Variants in SKAP1 observed in about 807,000 individuals in gnomAD.
SKAP1 encodes the protein src kinase associated phosphoprotein 1.
Under a neutral mutation model 58.5 loss-of-function variants are expected in SKAP1, and 44 were observed. The ratio of observed to expected loss-of-function variants is 0.75; its 90% CI spans 0.59 to 0.97. The LOEUF (loss-of-function observed/expected upper bound fraction) is 0.97. Ranked by LOEUF, SKAP1 falls within the 50% of genes least tolerant of loss-of-function variation. The probability of loss-of-function intolerance (pLI) is 0.00; values close to 1 mark genes in which losing one functional copy is unlikely to be tolerated. For synonymous variants in SKAP1, 127 were observed against 149.7 expected (o/e 0.85, Z 1.11); for missense variants, 390 against 435.2 (o/e 0.90, Z 0.92).
chr17:48,335,129 G>GC (rs1185433387), intron 4 of SKAP1, among the ~76,000 whole-genome samples: 2 of 151,142 alleles, frequency 1.3e-5, no homozygotes, highest in Non-Finnish European at 3.0e-5. Context: ...TCCCTTTTGA[G>GC]GAAAAAAGGG....
the SKAP1 span, among the ~76,000 whole-genome samples, chr17:48,437,442 C>T: frequency 6.6e-6 from 1 of 152,054 alleles, no homozygotes; most frequent in South Asian, 2.1e-4. Flanking sequence ...AGTATATGCT[C>T]CATAAATTGC....
In SKAP1 at chr17:48,180,177, TATC is replaced by T; in HGVS notation, c.700_702del (p.Asp234del). 6.2e-7 allele frequency: 1 copy of T among 1,613,816 alleles called. No homozygotes were observed. The highest frequency in any genetic ancestry group is 1.1e-5 in the South Asian group (1 of 91,062). ...CAACTTGGGGAGTCAAAACCATCAA[TATC>T]ATCATATGTCTCTTCTTTTTCTTCT... On this transcript the variant is annotated inframe_deletion, in exon 9 of 13. Transcript: ENST00000336915.
At chr17:48,302,934 AT>A in intron 4 of SKAP1, among the ~76,000 whole-genome samples, 1 of 152,302 alleles carries the variant, frequency 6.6e-6, no homozygotes, top group South Asian at 2.1e-4. Context: ...GTGAATAATA[AT>A]TTTAAAAGAG....
chr17:48,323,138 C>T (rs1019991745), intron 4 of SKAP1, among the ~76,000 whole-genome samples: 3 of 150,640 alleles, frequency 2.0e-5, no homozygotes, highest in Admixed American at 1.3e-4. Context: ...GTAGAATGAA[C>T]GCTGGTAGAC....
chr17:48,434,169 C>T (rs949205583), upstream of SKAP1, among the ~76,000 whole-genome samples: 3 of 152,184 alleles, frequency 2.0e-5, no homozygotes, highest in Non-Finnish European at 2.9e-5. Flanking sequence ...CCCCATCAAC[C>T]GGGTTTATTG....
At chr17:48,292,814 T>G (rs910256646) in intron 4 of SKAP1, among the ~76,000 whole-genome samples, 2 of 152,216 alleles carry the variant, frequency 1.3e-5, no homozygotes, top group African/African-American at 2.4e-5. Context: ...TTACTGATAC[T>G]GCAACTCATA....
intron 10 of SKAP1, among the ~76,000 whole-genome samples, chr17:48,169,770 A>T (rs1175351768): frequency 6.6e-6 from 1 of 152,214 alleles, no homozygotes; most frequent in Non-Finnish European, 1.5e-5. Context: ...ATAGGAAAAG[A>T]CAGGGCTAGA....
intron 4 of SKAP1, among the ~76,000 whole-genome samples, chr17:48,212,348 AT>A (rs2064883858): frequency 6.6e-6 from 1 of 152,210 alleles, no homozygotes. Flanking sequence ...TCTTGGAATT[AT>A]GTGATTCAAA....
intron 4 of SKAP1, among the ~76,000 whole-genome samples, chr17:48,341,729 G>A (rs1470366078): frequency 6.6e-6 from 1 of 151,984 alleles, no homozygotes; most frequent in Non-Finnish European, 1.5e-5. Context: ...TCCTTTTCCA[G>A]TTGTTTCTCA....
intron 4 of SKAP1, among the ~76,000 whole-genome samples, chr17:48,298,383 G>A (rs1481233072): frequency 6.6e-6 from 1 of 152,022 alleles, no homozygotes; most frequent in Admixed American, 6.6e-5. Context: ...ATGTGGAAGG[G>A]GTTACCCTGG....
intron 4 of SKAP1, among the ~76,000 whole-genome samples, chr17:48,312,634 T>C (rs2066237484): frequency 6.6e-6 from 1 of 152,164 alleles, no homozygotes; most frequent in Non-Finnish European, 1.5e-5. Flanking sequence ...AAAGAGAGAA[T>C]AGACCCTTTG....
Position 48,430,152 on chromosome 17 carries a change from G to C in SKAP1, c.-32C>G. The C allele has an allele frequency of 1.6e-6, 2 of 1,253,126 alleles. No homozygotes were observed. The highest frequency in any genetic ancestry group is 2.0e-6 in the Non-Finnish European group (2 of 991,396). 77.6% of individuals were successfully genotyped at this position (1,253,126 alleles called of 1,614,324 possible). ...GGGCGGGAGAGAGGCGGGACGGGGC[G>C]CGGGCCCTGGTCGGGAGGCGGACGG... On this transcript the variant is annotated 5_prime_UTR_variant, in exon 1 of 13. Transcript: ENST00000336915.
rs1253347068 is a variant in SKAP1 at position 48,402,692 on chromosome 17, T to C, written c.47-5907A>G. Among the ~76,000 whole-genome samples, 3 of 152,086 alleles carry C rather than the reference T, an allele frequency of 2.0e-5. No homozygotes were observed. In the East Asian group the frequency reaches 5.8e-4, roughly 29 times the overall value. On this transcript the variant is annotated intron_variant, in intron 1 of 12. Coordinates refer to ENST00000336915, the MANE Select transcript of SKAP1 (RefSeq NM_003726.4). ...ACCCAAATATCCATTAACTGATGAATGGATAGATAAAATGTAGCATACAAT... is the reference window on the plus strand; with the variant it reads ...ACCCAAATATCCATTAACTGATGAACGGATAGATAAAATGTAGCATACAAT...
At chr17:48,219,049 G>A (rs539135606) in intron 4 of SKAP1, among the ~76,000 whole-genome samples, 1 of 152,278 alleles carries the variant, frequency 6.6e-6, no homozygotes, top group East Asian at 1.9e-4. Context: ...TTATCTAATA[G>A]TATATGTTTA....
intron 4 of SKAP1, among the ~76,000 whole-genome samples, chr17:48,296,835 A>G (rs1480549928): frequency 6.6e-6 from 1 of 151,828 alleles, no homozygotes; most frequent in Non-Finnish European, 1.5e-5. Flanking sequence ...GCATTTTATC[A>G]TCTTTAATTA....
intron 4 of SKAP1, among the ~76,000 whole-genome samples, chr17:48,319,391 AAAAG>A (rs1180219735): frequency 1.4e-4 from 22 of 152,178 alleles, no homozygotes; most frequent in African/African-American, 5.3e-4. Flanking sequence ...TCTAGTTTTA[AAAAG>A]AAAGAAAGAA....
intron 11 of SKAP1, among the ~76,000 whole-genome samples, chr17:48,141,976 A>G (rs1254547565): frequency 2.0e-5 from 3 of 152,228 alleles, no homozygotes; most frequent in Middle Eastern, 3.4e-3. Context: ...TCCCGGTTAC[A>G]CGGTCCACAG....
intron 4 of SKAP1, among the ~76,000 whole-genome samples, chr17:48,191,234 A>G (rs1161098207): frequency 2.0e-5 from 3 of 152,240 alleles, no homozygotes; most frequent in Non-Finnish European, 4.4e-5. Context: ...TTACTTCTCA[A>G]AAAATAAAAT....
chr17:48,165,088 C>T (rs2064118592), intron 10 of SKAP1, among the ~76,000 whole-genome samples: 1 of 152,224 alleles, frequency 6.6e-6, no homozygotes, highest in South Asian at 2.1e-4. Flanking sequence ...AACAGTTACA[C>T]AAATGTTTAT....
Sources: gnomAD v4.1 joint callset for allele counts (sites outside exome capture counted in the v4.1 genomes callset) on GRCh38, gnomAD v4.1.1 for gene constraint, MANE v1.5 for transcripts, NCBI Gene and HGNC (gene_info 2026-07-23, HGNC 2026-07-21) for gene names.